Variants in SLC26A4 observed in about 807,000 individuals in gnomAD.
The protein encoded by SLC26A4 is pendrin.
A neutral mutation model predicts 90.4 loss-of-function variants in SLC26A4; 93 were observed. That is an observed-to-expected ratio of 1.03 (90% CI 0.87 to 1.22). The LOEUF (loss-of-function observed/expected upper bound fraction) is 1.22. Ranked by LOEUF, SLC26A4 falls within the 50% of genes most tolerant of loss-of-function variation. The pLI is 0.00. For synonymous variants in SLC26A4, 393 were observed against 354.6 expected (o/e 1.11, Z -1.22); for missense variants, 1,127 against 946.2 (o/e 1.19, Z -2.51).
chr7:107,691,550 T>C (rs35575419), intron 10 of SLC26A4, among the ~76,000 whole-genome samples: 28 of 16,356 alleles, frequency 1.7e-3, no homozygotes, highest in East Asian at 0.1. Context: ...CACACAAACA[T>C]ATATATATAT....
chr7:107,680,310 TATATTATTATATA>T (rs1791190542), intron 6 of SLC26A4, among the ~76,000 whole-genome samples: 8 of 138,596 alleles, frequency 5.8e-5, no homozygotes, highest in South Asian at 2.2e-4. Flanking sequence ...AATATAATCT[TATATTATTATATA>T]ATCTTATCTT....
In SLC26A4 at chr7:107,675,303, A is replaced by G. The variant is rs796938107; in HGVS notation, c.765+194A>G. 0.08 allele frequency among the ~76,000 whole-genome samples: 11,509 copies of G among 143,146 alleles called. 704 individuals carry two copies. The highest frequency in any genetic ancestry group is 0.16 in the African/African-American group (5,942 of 37,176). The allele number at this position is 143,146 out of a possible 152,430, so 93.9% of individuals were successfully genotyped here. On this transcript the variant is annotated intron_variant, in intron 6 of 20. Coordinates refer to ENST00000644269, the MANE Select transcript of SLC26A4 (RefSeq NM_000441.2). ...CATCTCTTAAAAAAAAAAAAAAAAAAAAAGAAAGAAAGAAAAGAAAAGAAA... is the reference window on the plus strand; with the variant it reads ...CATCTCTTAAAAAAAAAAAAAAAAAGAAAGAAAGAAAGAAAAGAAAAGAAA...
intron 8 of SLC26A4, among the ~76,000 whole-genome samples, chr7:107,685,548 T>G (rs1791374041): frequency 6.6e-6 from 1 of 152,200 alleles, no homozygotes; most frequent in Admixed American, 6.5e-5. Flanking sequence ...GACCATACGT[T>G]AGGACCATAA....
intron 10 of SLC26A4, among the ~76,000 whole-genome samples, chr7:107,693,950 T>C (rs1263270025): frequency 6.6e-6 from 1 of 152,204 alleles, no homozygotes; most frequent in African/African-American, 2.4e-5. Flanking sequence ...GTTGCTATTA[T>C]AGCTGCAGCT....
At chr7:107,710,942 C>T (rs1584345398) in intron 19 of SLC26A4, among the ~76,000 whole-genome samples, 2 of 151,970 alleles carry the variant, frequency 1.3e-5, no homozygotes, top group South Asian at 2.1e-4. Flanking sequence ...CCAGTGACAT[C>T]GTGGATATTT....
intron 17 of SLC26A4, among the ~76,000 whole-genome samples, chr7:107,703,871 C>T (rs1277513704): frequency 2.0e-5 from 3 of 152,142 alleles, no homozygotes; most frequent in African/African-American, 7.2e-5. Context: ...ATCCTATATA[C>T]CCCTTACCCA....
Position 107,663,348 on chromosome 7 carries a change from G to A in SLC26A4, c.217G>A (p.Glu73Lys). ...GCTAAAGACTCTTGTGCCCATCTTG[G>A]AGTGGCTCCCCAAATACCGAGTCAA... ...GVLKTLVPIL[E>K]WLPKYRVKEW... Residue 73 changes from glutamate to lysine, a missense_variant, in exon 3 of 21, where the codon GAG becomes AAG. Glu to Lys is a moderately conservative substitution (Grantham distance 56, BLOSUM62 1). Transcript: ENST00000644269. 1 of 1,614,138 alleles carries A rather than the reference G, an allele frequency of 6.2e-7. No homozygotes were observed.
intron 8 of SLC26A4, among the ~76,000 whole-genome samples, chr7:107,684,224 G>A (rs370132608): frequency 7.9e-5 from 12 of 152,166 alleles, no homozygotes; most frequent in South Asian, 6.2e-4. Flanking sequence ...TTCTCATATG[G>A]GGTTACAAAG....
chr7:107,680,078 TTCTTA>T (rs1401291632), intron 6 of SLC26A4, among the ~76,000 whole-genome samples: 3 of 117,054 alleles, frequency 2.6e-5, no homozygotes, highest in African/African-American at 7.8e-5. Flanking sequence ...ATATAATATA[TTCTTA>T]TCTTATTATA....
chr7:107,670,265 T>C (rs892112214), intron 3 of SLC26A4, among the ~76,000 whole-genome samples: 4 of 151,898 alleles, frequency 2.6e-5, no homozygotes, highest in Admixed American at 2.6e-4. Context: ...CCTACCCCCA[T>C]GCCTGGCTAA....
intron 6 of SLC26A4, among the ~76,000 whole-genome samples, chr7:107,678,152 C>T (rs902715341): frequency 6.6e-6 from 1 of 152,170 alleles, no homozygotes; most frequent in Non-Finnish European, 1.5e-5. Context: ...GCTCCTGGCA[C>T]ATCTTGCTTT....
intron 19 of SLC26A4, among the ~76,000 whole-genome samples, 179 bp downstream of exon 19, chr7:107,710,378 T>C (rs1245556908): frequency 6.6e-6 from 1 of 152,236 alleles, no homozygotes; most frequent in Non-Finnish European, 1.5e-5. Flanking sequence ...GCTAGGTAGA[T>C]ATGAAGACTA....
rs187447337 is a variant in SLC26A4, at chr7:107,663,356, C to T, written c.225C>T (p.Leu75=). 1 of 1,613,932 alleles carries T rather than the reference C, an allele frequency of 6.2e-7. No homozygotes were observed. The highest frequency in any genetic ancestry group is 8.5e-7 in the Non-Finnish European group (1 of 1,179,972). The stretch of plus-strand genomic sequence containing the variant: ...CTCTTGTGCCCATCTTGGAGTGGCT[C>T]CCCAAATACCGAGTCAAGGAATGGC... ...LKTLVPILEW[L]PKYRVKEWLL... The change falls in exon 3 of 21, where the codon CTC becomes CTT. Residue 75 remains leucine, a synonymous_variant. Transcript: ENST00000644269.
At position 107,710,109 on chromosome 7, in the gene SLC26A4, G is replaced by T. The variant is rs397516427; in HGVS notation, c.2145G>T (p.Lys715Asn). Residue 715 changes from lysine (K) to asparagine (N), a missense_variant, in exon 19 of 21, where the codon AAG becomes AAT. Coordinates refer to ENST00000644269, the MANE Select transcript of SLC26A4 (RefSeq NM_000441.2). ...GGTTCTTTGACGACAACATTAGAAA[G>T]GACACATTCTTTTTGACGGTCCATG... ...QCGFFDDNIRKDTFFLTVHDA... is the reference protein window; with the variant it reads ...QCGFFDDNIRNDTFFLTVHDA... 81 of 1,610,758 alleles carry T rather than the reference G, an allele frequency of 5.0e-5. No homozygotes were observed. The South Asian group carries it at 8.5e-4, about 17-fold the overall frequency.
Position 107,689,049 on chromosome 7 carries a change from C to T in SLC26A4, c.1002-4C>T. 3 of 1,613,790 alleles carry T rather than the reference C, an allele frequency of 1.9e-6. No individual in the cohort carries two copies. The highest frequency in any genetic ancestry group is 1.7e-6 in the Non-Finnish European group (2 of 1,179,752). On this transcript the variant is annotated splice_polypyrimidine_tract_variant and splice_region_variant and intron_variant, in intron 8 of 20. Transcript: ENST00000644269. The stretch of plus-strand genomic sequence containing the variant: ...ACAGCATTTTTCACTTAAAAACTCA[C>T]TAGGTTTTTGCCTCCTGAACTTCCA...
At position 107,689,048 on chromosome 7, in the gene SLC26A4, A is replaced by G. The variant is rs1027620034; in HGVS notation, c.1002-5A>G. 1.9e-6 allele frequency: 3 copies of G among 1,613,708 alleles called. No homozygotes were observed. The highest frequency in any genetic ancestry group is 2.7e-5 in the African/African-American group (2 of 74,904). ...CACAGCATTTTTCACTTAAAAACTCACTAGGTTTTTGCCTCCTGAACTTCC... is the reference window on the plus strand; with the variant it reads ...CACAGCATTTTTCACTTAAAAACTCGCTAGGTTTTTGCCTCCTGAACTTCC... On this transcript the variant is annotated splice_polypyrimidine_tract_variant and splice_region_variant and intron_variant, in intron 8 of 20. Transcript: ENST00000644269.
chr7:107,683,530 C>T lies in SLC26A4; in HGVS notation c.994C>T (p.Pro332Ser). Residue 332 changes from proline to serine, a missense_variant, in exon 8 of 21, where the codon CCA becomes TCA. Pro to Ser is a moderately conservative substitution (Grantham distance 74). Coordinates refer to ENST00000644269, the MANE Select transcript of SLC26A4 (RefSeq NM_000441.2). ...NYNAGIVKSI[P>S]RGFLPPELPP... Reference sequence around the variant, plus strand: ...CAATGCTGGCATTGTTAAATCCATCCCAAGGGGGTGAGTGTGGTGTTCCTC... The same window carrying T: ...CAATGCTGGCATTGTTAAATCCATCTCAAGGGGGTGAGTGTGGTGTTCCTC... 6.2e-7 allele frequency: 1 copy of T among 1,613,290 alleles called. No individual in the cohort carries two copies. Among genetic ancestry groups the T allele is most frequent in the South Asian group, 1.1e-5 (1 of 91,042 alleles).
chr7:107,707,508 A>C (rs904006068), intron 18 of SLC26A4, among the ~76,000 whole-genome samples: 2 of 152,246 alleles, frequency 1.3e-5, no homozygotes, highest in Non-Finnish European at 2.9e-5. Context: ...AACTGTGGAC[A>C]ACAAGACTTA....
chr7:107,706,978 G>A (rs1028402805), intron 18 of SLC26A4, among the ~76,000 whole-genome samples: 16 of 152,098 alleles, frequency 1.1e-4, no homozygotes, highest in African/African-American at 3.9e-4. Context: ...AGACCAGCCT[G>A]GCAACATGGC....
Sources: allele counts gnomAD v4.1 joint callset (sites outside exome capture counted in the v4.1 genomes callset), GRCh38; gene constraint gnomAD v4.1.1; transcripts MANE v1.5; gene names NCBI Gene and HGNC (gene_info 2026-07-23, HGNC 2026-07-21).